Variants in FAM222B observed in about 807,000 individuals in gnomAD.
FAM222B encodes the protein protein FAM222B.
A neutral mutation model predicts 38.0 loss-of-function variants in FAM222B; 12 were observed. The observed-to-expected ratio is 0.32, with a 90% confidence interval of 0.20 to 0.51. The LOEUF (loss-of-function observed/expected upper bound fraction) is 0.51. Among genes scored for constraint, FAM222B ranks in the 20% least tolerant of loss-of-function variants. The probability of loss-of-function intolerance (pLI) is 0.97; values close to 1 mark genes in which losing one functional copy is unlikely to be tolerated. For synonymous variants in FAM222B, 329 were observed against 317.2 expected, an observed-to-expected ratio of 1.04 and a Z score of -0.40; for missense variants, 716 against 754.2, an observed-to-expected ratio of 0.95 and a Z score of 0.59.
rs1056324777 is a variant in FAM222B, at chr17:28,756,638, G to C, written c.*1632C>G. The C allele has an allele frequency of 6.6e-6, 1 of 152,504 alleles. No homozygotes were observed. The highest frequency in any genetic ancestry group is 1.5e-5 in the Non-Finnish European group (1 of 68,036). The allele number at this position is 152,504 out of a possible 1,614,324, so 9.4% of individuals were successfully genotyped here. On this transcript the variant is annotated 3_prime_UTR_variant, in exon 3 of 3. Coordinates refer to ENST00000581407, the MANE Select transcript of FAM222B (RefSeq NM_001077498.3). Reference sequence around the variant, plus strand: ...TGCTCCTGGGGGATCAGGACAGGGAGGTACCAGTGTTCACAGACGGCAGGA... The same window carrying C: ...TGCTCCTGGGGGATCAGGACAGGGACGTACCAGTGTTCACAGACGGCAGGA...
chr17:28,812,901 C>G (rs1000615900), intron 1 of FAM222B, among the ~76,000 whole-genome samples: 1 of 150,486 alleles, frequency 6.6e-6, no homozygotes, highest in Non-Finnish European at 1.5e-5. Context: ...CTCTCTGCCT[C>G]TAGTCTAATC....
chr17:28,768,981 A>C (rs1281964141), intron 1 of FAM222B, among the ~76,000 whole-genome samples: 1 of 152,036 alleles, frequency 6.6e-6, no homozygotes, highest in Non-Finnish European at 1.5e-5. Context: ...CTGGGAGCTA[A>C]AACTGTGAAA....
chr17:28,806,765 T>C (rs1001620036), intron 1 of FAM222B, among the ~76,000 whole-genome samples: 5 of 152,136 alleles, frequency 3.3e-5, no homozygotes, highest in Admixed American at 1.3e-4. Flanking sequence ...AGGGTAGATA[T>C]AGGAAAACTT....
At chr17:28,768,275 A>C (rs1198063975) in intron 1 of FAM222B, among the ~76,000 whole-genome samples, 2 of 152,202 alleles carry the variant, frequency 1.3e-5, no homozygotes, top group East Asian at 3.9e-4. Flanking sequence ...TTTTCTTGAG[A>C]GGGCTCTCTC....
intron 1 of FAM222B, among the ~76,000 whole-genome samples, chr17:28,792,070 G>C (rs576822823): frequency 6.6e-6 from 1 of 151,586 alleles, no homozygotes; most frequent in East Asian, 2.0e-4. Flanking sequence ...CCAGCACTTT[G>C]GGAGGCCAAG....
chr17:28,762,492 T>G (rs2151767274), intron 2 of FAM222B, among the ~76,000 whole-genome samples: 1 of 150,200 alleles, frequency 6.7e-6, no homozygotes, highest in East Asian at 2.0e-4. Flanking sequence ...CCTGGGATGG[T>G]GGAGCGCACT....
At chr17:28,827,969 C>T (rs780736920) in intron 1 of FAM222B, among the ~76,000 whole-genome samples, 3 of 151,816 alleles carry the variant, frequency 2.0e-5, no homozygotes, top group Admixed American at 6.6e-5. Context: ...AAGGTCTCAT[C>T]CAAGAATTTG....
chr17:28,766,757 G>T, intron 1 of FAM222B, 50 bp from the exon 2 acceptor site: 1 of 1,055,244 alleles, frequency 9.5e-7, no homozygotes, highest in Non-Finnish European at 1.4e-6. Context: ...CTCATTCGAA[G>T]AAGAGAGTAG....
intron 1 of FAM222B, among the ~76,000 whole-genome samples, chr17:28,803,439 G>A (rs1479233013): frequency 6.6e-6 from 1 of 151,980 alleles, no homozygotes; most frequent in Non-Finnish European, 1.5e-5. Flanking sequence ...CCAAGTAGCT[G>A]GGAGTACAGG....
intron 1 of FAM222B, among the ~76,000 whole-genome samples, chr17:28,819,389 A>G (rs2038137121): frequency 6.6e-6 from 1 of 152,202 alleles, no homozygotes; most frequent in South Asian, 2.1e-4. Context: ...CAGAAGAAAT[A>G]CATAAAGTCA....
chr17:28,758,479 G>A lies in FAM222B; in HGVS notation c.1480C>T (p.His494Tyr), dbSNP rs1280809723. Residue 494 changes from histidine to tyrosine, a missense_variant, in exon 3 of 3, where the codon CAC becomes TAC. By Grantham distance (83) the His-to-Tyr change is moderately conservative. Coordinates refer to ENST00000581407, the MANE Select transcript of FAM222B (RefSeq NM_001077498.3). ...CCGCCCCCGGTCCCTGCTCGGTAGT[G>A]GGCCCCGGGAGCTGCCGCACAGTCG... ...PLDCAAAPGAHYRAGTGGGPV... is the reference protein window; with the variant it reads ...PLDCAAAPGAYYRAGTGGGPV... The A allele has an allele frequency of 1.2e-6, 2 of 1,613,174 alleles. No individual in the cohort carries two copies. Among genetic ancestry groups the A allele is most frequent in the Admixed American group, 1.7e-5 (1 of 59,982 alleles).
chr17:28,800,868 A>T (rs907290777), intron 1 of FAM222B, among the ~76,000 whole-genome samples: 3 of 151,462 alleles, frequency 2.0e-5, no homozygotes, highest in Admixed American at 6.6e-5. Context: ...AAAAAAAAAA[A>T]AAAAAAGTTG....
intron 1 of FAM222B, among the ~76,000 whole-genome samples, chr17:28,807,712 G>A (rs1298752425): frequency 1.3e-5 from 2 of 152,154 alleles, no homozygotes; most frequent in African/African-American, 2.4e-5. Context: ...CCTTTTGTGA[G>A]ACGTTTTATG....
intron 1 of FAM222B, among the ~76,000 whole-genome samples, chr17:28,783,111 G>A (rs574655028): frequency 7.3e-5 from 11 of 149,676 alleles, no homozygotes; most frequent in East Asian, 5.9e-4. Context: ...GCACTCCAGC[G>A]TGGGTGACAG....
intron 1 of FAM222B, among the ~76,000 whole-genome samples, chr17:28,768,987 TGAAATG>T (rs1346591771): frequency 6.6e-6 from 1 of 151,862 alleles, no homozygotes; most frequent in Non-Finnish European, 1.5e-5. Flanking sequence ...GCTAAAACTG[TGAAATG>T]GGCTGTATGA....
At chr17:28,825,626 TATA>T (rs747192586) in intron 1 of FAM222B, among the ~76,000 whole-genome samples, 24 of 152,126 alleles carry the variant, frequency 1.6e-4, no homozygotes, top group Non-Finnish European at 2.8e-4. Context: ...TGTTCTGCAC[TATA>T]ATGTTTGATC....
At chr17:28,843,240 C>T (rs576937206), upstream of FAM222B, among the ~76,000 whole-genome samples, 1 of 150,938 alleles carries the variant, frequency 6.6e-6, no homozygotes, top group Non-Finnish European at 1.5e-5. Flanking sequence ...CGGGTTCAAG[C>T]GATTCTCCTG....
At chr17:28,829,183 C>CATAAACCACT (rs1201996120) in intron 1 of FAM222B, among the ~76,000 whole-genome samples, 1 of 150,316 alleles carries the variant, frequency 6.7e-6, no homozygotes, top group Non-Finnish European at 1.5e-5. Context: ...GGATTACAGG[C>CATAAACCACT]GTGAGCCATC....
At chr17:28,802,049 G>A (rs976651336) in intron 1 of FAM222B, among the ~76,000 whole-genome samples, 4 of 151,388 alleles carry the variant, frequency 2.6e-5, no homozygotes, top group Non-Finnish European at 5.9e-5. Context: ...AAAAGTGATT[G>A]TTCAGGTAAT....
Sources: gnomAD v4.1 joint callset for allele counts (sites outside exome capture counted in the v4.1 genomes callset) on GRCh38, gnomAD v4.1.1 for gene constraint, MANE v1.5 for transcripts, NCBI Gene and HGNC (gene_info 2026-07-23, HGNC 2026-07-21) for gene names.